KCNMB2: variants seen among roughly 807,000 people sequenced by gnomAD.
KCNMB2 encodes the protein potassium calcium-activated channel subfamily M regulatory beta subunit 2, also known as calcium-activated potassium channel subunit beta-2.
Under a neutral mutation model 24.5 loss-of-function variants are expected in KCNMB2, and 9 were observed. That is an observed-to-expected ratio of 0.37 (90% CI 0.22 to 0.64). The LOEUF is 0.64. KCNMB2 is among the 30% of genes least tolerant of loss of function. KCNMB2 has a pLI of 0.63. For synonymous variants in KCNMB2, 109 were observed against 104.4 expected, an observed-to-expected ratio of 1.04 and a Z score of -0.27; for missense variants, 226 against 284.3, an observed-to-expected ratio of 0.79 and a Z score of 1.47.
intron 1 of KCNMB2, among the ~76,000 whole-genome samples, chr3:178,759,197 G>A (rs1256568972): frequency 1.8e-5 from 2 of 109,706 alleles, no homozygotes; most frequent in East Asian, 2.7e-4. Flanking sequence ...ATCTCCAAGA[G>A]GGATATATAT....
intron 1 of KCNMB2, among the ~76,000 whole-genome samples, chr3:178,598,177 C>T (rs1267752801): frequency 6.6e-6 from 1 of 152,070 alleles, no homozygotes; most frequent in East Asian, 1.9e-4. Flanking sequence ...ATCTTAACCT[C>T]TAAACTCTCT....
intron 1 of KCNMB2, among the ~76,000 whole-genome samples, chr3:178,629,210 A>G (rs1019104172): frequency 6.6e-6 from 1 of 152,162 alleles, no homozygotes; most frequent in Non-Finnish European, 1.5e-5. Flanking sequence ...ATTGTCTTCT[A>G]TACATAGTCT....
intron 1 of KCNMB2, among the ~76,000 whole-genome samples, chr3:178,638,646 G>A (rs1427266309): frequency 2.0e-5 from 3 of 152,186 alleles, no homozygotes; most frequent in Non-Finnish European, 4.4e-5. Flanking sequence ...CTAATGTAGT[G>A]TCTTGTATAT....
intron 1 of KCNMB2, among the ~76,000 whole-genome samples, chr3:178,778,464 A>G (rs867014832): frequency 0.02 from 1,200 of 60,786 alleles, 12 homozygotes; most frequent in South Asian, 0.043. Flanking sequence ...AGACACACAC[A>G]CACACACACA....
At chr3:178,569,223 C>A (rs904373810) in intron 1 of KCNMB2, among the ~76,000 whole-genome samples, 1 of 152,124 alleles carries the variant, frequency 6.6e-6, no homozygotes, top group Non-Finnish European at 1.5e-5. Context: ...GAGAGGCAAT[C>A]TCTTCAAACA....
intron 1 of KCNMB2, among the ~76,000 whole-genome samples, chr3:178,797,123 T>C (rs575534829): frequency 1.6e-3 from 246 of 152,154 alleles, no homozygotes; most frequent in Non-Finnish European, 2.6e-3. Context: ...TGGCAATAAA[T>C]TGGAAAACTT....
chr3:178,665,376 A>T (rs1188405483), intron 1 of KCNMB2, among the ~76,000 whole-genome samples: 1 of 152,196 alleles, frequency 6.6e-6, no homozygotes, highest in Non-Finnish European at 1.5e-5. Flanking sequence ...TGTTTAAAAA[A>T]TGATAAACTT....
At chr3:178,566,078 T>G (rs1407991163) in intron 1 of KCNMB2, among the ~76,000 whole-genome samples, 6 of 152,176 alleles carry the variant, frequency 3.9e-5, no homozygotes, top group African/African-American at 1.4e-4. Context: ...CAAAGATGGT[T>G]GAACCAGATG....
intron 1 of KCNMB2, among the ~76,000 whole-genome samples, chr3:178,763,760 G>A (rs1428532132): frequency 6.6e-6 from 1 of 152,136 alleles, no homozygotes; most frequent in African/African-American, 2.4e-5. Context: ...CTGTGTAGTG[G>A]TAGAACAAAT....
chr3:178,718,739 G>GA (rs1254145384), intron 1 of KCNMB2, among the ~76,000 whole-genome samples: 1 of 152,198 alleles, frequency 6.6e-6, no homozygotes, highest in Non-Finnish European at 1.5e-5. Context: ...CACCTTCTCA[G>GA]AAAGTCAAAT....
chr3:178,689,003 A>C (rs1381835601), intron 1 of KCNMB2, among the ~76,000 whole-genome samples: 1 of 152,206 alleles, frequency 6.6e-6, no homozygotes, highest in Non-Finnish European at 1.5e-5. Flanking sequence ...AAGAGAAAAG[A>C]AACTAAACTT....
At chr3:178,677,054 C>A (rs888310371) in intron 1 of KCNMB2, among the ~76,000 whole-genome samples, 1 of 152,038 alleles carries the variant, frequency 6.6e-6, no homozygotes, top group Non-Finnish European at 1.5e-5. Context: ...CTCACCACAG[C>A]GAAAGAGAGA....
intron 1 of KCNMB2, among the ~76,000 whole-genome samples, chr3:178,781,411 G>T: frequency 6.6e-6 from 1 of 151,522 alleles, no homozygotes; most frequent in Non-Finnish European, 1.5e-5. Flanking sequence ...GGCCAACATG[G>T]TGAAACCCCG....
chr3:178,672,776 T>C (rs1720947601), intron 1 of KCNMB2, among the ~76,000 whole-genome samples: 1 of 152,202 alleles, frequency 6.6e-6, no homozygotes, highest in Non-Finnish European at 1.5e-5. Context: ...GTCTGCAAGA[T>C]GAGACTTCCA....
intron 1 of KCNMB2, among the ~76,000 whole-genome samples, chr3:178,740,098 G>T (rs1391931868): frequency 1.3e-5 from 2 of 151,490 alleles, no homozygotes; most frequent in Admixed American, 6.6e-5. Flanking sequence ...TCCTTCTGCT[G>T]CTGCTTCTGC....
chr3:178,761,250 CA>C (rs1711862318), intron 1 of KCNMB2, among the ~76,000 whole-genome samples: 1 of 152,128 alleles, frequency 6.6e-6, no homozygotes, highest in African/African-American at 2.4e-5. Flanking sequence ...TCTATGATGT[CA>C]ATGTTTCAAG....
intron 1 of KCNMB2, among the ~76,000 whole-genome samples, chr3:178,753,363 CACTG>C (rs1253149808): frequency 6.6e-6 from 1 of 152,222 alleles, no homozygotes; most frequent in Non-Finnish European, 1.5e-5. Flanking sequence ...CTCTGCCAAA[CACTG>C]ACTGTGTGAC....
intron 1 of KCNMB2, among the ~76,000 whole-genome samples, chr3:178,604,001 T>G (rs564111673): frequency 2.6e-5 from 4 of 152,176 alleles, no homozygotes; most frequent in African/African-American, 9.6e-5. Context: ...GTGGCAGCCG[T>G]TTCCCAGAGA....
At position 178,810,917 on chromosome 3, in the gene KCNMB2, T is replaced by G. The variant is rs536896817; in HGVS notation, c.56+3452T>G. Among the ~76,000 whole-genome samples the G allele has an allele frequency of 3.5e-4, 51 of 147,142 alleles. 1 individual carries two copies. In the South Asian group the frequency reaches 0.011, roughly 31 times the overall value. On this transcript the variant is annotated intron_variant, in intron 2 of 4. Transcript: ENST00000452583. Reference sequence around the variant, plus strand: ...ACCTGGCTAACTTTTTTTTTTTTTTTTTTTTTTTGTATTTTTAATAGAGAC... The same window carrying G: ...ACCTGGCTAACTTTTTTTTTTTTTTGTTTTTTTTGTATTTTTAATAGAGAC...
Sources: gnomAD v4.1 joint callset for allele counts (sites outside exome capture counted in the v4.1 genomes callset) on GRCh38, gnomAD v4.1.1 for gene constraint, MANE v1.5 for transcripts, NCBI Gene and HGNC (gene_info 2026-07-23, HGNC 2026-07-21) for gene names.